Variants in TIMELESS observed in about 807,000 individuals in gnomAD.
TIMELESS encodes protein timeless homolog.
TIMELESS carries 124 observed loss-of-function variants against 164.3 expected under a neutral mutation model. The observed-to-expected ratio is 0.75, with a 90% CI of 0.65 to 0.88. The LOEUF (loss-of-function observed/expected upper bound fraction) is 0.88. Among genes scored for constraint, TIMELESS ranks in the 40% least tolerant of loss-of-function variants. The pLI, the probability that TIMELESS is intolerant of heterozygous loss-of-function variation, is 0.00. For synonymous variants in TIMELESS, 564 were observed against 563.4 expected, an observed-to-expected ratio of 1.00 and a Z score of -0.02; for missense variants, 1,422 against 1,491.4, an observed-to-expected ratio of 0.95 and a Z score of 0.77.
At chr12:56,439,559 T>C (rs1027460791) in intron 1 of TIMELESS, among the ~76,000 whole-genome samples, 7 of 152,068 alleles carry the variant, frequency 4.6e-5, no homozygotes, top group Non-Finnish European at 1.0e-4. Flanking sequence ...CACATCTGGC[T>C]AATTTTTAAA....
In TIMELESS at chr12:56,422,121, T is replaced by C. The variant is rs1203926825; in HGVS notation, c.2509A>G (p.Asn837Asp). The change falls in exon 20 of 29, where the codon AAT (asparagine) becomes GAT (aspartate). Residue 837 changes from asparagine to aspartate, a missense_variant. Transcript: ENST00000553532. ...GGCCTCTCACCTTCCACGTCCTTATTGGCGAGGTACAGCTCCCGAAGATGA... is the reference window on the plus strand; with the variant it reads ...GGCCTCTCACCTTCCACGTCCTTATCGGCGAGGTACAGCTCCCGAAGATGA... ...EAHLRELYLA[N>D]KDVEGQDVVE... 3 of 1,614,126 alleles carry C rather than the reference T, an allele frequency of 1.9e-6. No homozygotes were observed. The highest frequency in any genetic ancestry group is 2.5e-6 in the Non-Finnish European group (3 of 1,180,010).
intron 1 of TIMELESS, among the ~76,000 whole-genome samples, chr12:56,436,611 A>G (rs1882079288): frequency 6.6e-6 from 1 of 152,204 alleles, no homozygotes; most frequent in African/African-American, 2.4e-5. Flanking sequence ...TACTGGGTCC[A>G]AGTGACCTGT....
At chr12:56,437,785 A>AC (rs975344610) in intron 1 of TIMELESS, among the ~76,000 whole-genome samples, 2 of 152,042 alleles carry the variant, frequency 1.3e-5, no homozygotes, top group African/African-American at 4.8e-5. Context: ...CCTTATGATG[A>AC]CCCCGTATGA....
Position 56,430,935 on chromosome 12 carries a change from C to G in TIMELESS, c.855G>C (p.Gln285His), listed in dbSNP as rs752947486. 4.4e-6 allele frequency: 7 copies of G among 1,605,150 alleles called. No individual in the cohort carries two copies. The Middle Eastern group carries it at 1.2e-3, about 266-fold the overall frequency. Residue 285 changes from glutamine to histidine, a missense_variant, in exon 9 of 29, where the codon CAG (glutamine) becomes CAC (histidine). Gln to His is a conservative substitution (Grantham distance 24, BLOSUM62 0). Transcript: ENST00000553532. ...HSRFGGSYIV[Q>H]GLKSIGERDL... ...CCCTCTCCCCAATGGATTTCAACCCCTGGACAATATAGGAGCCCCCAAATC... is the reference window on the plus strand; with the variant it reads ...CCCTCTCCCCAATGGATTTCAACCCGTGGACAATATAGGAGCCCCCAAATC...
In TIMELESS at chr12:56,423,469, T is replaced by G; in HGVS notation, c.2097A>C (p.Ala699=). ...CATAGGCTCGAACGACAGTTGAACA[T>G]GCAAAGCTGCACCAAAACAAGGAGG... ...FNFLDYLKRF[A]CSTVVRAYVL... The change falls in exon 18 of 29, where the codon GCA becomes GCC. Residue 699 remains alanine (A), a synonymous_variant. Coordinates refer to ENST00000553532, the MANE Select transcript of TIMELESS (RefSeq NM_003920.5). 1 of 1,614,056 alleles carries G rather than the reference T, an allele frequency of 6.2e-7. No homozygotes were observed. The highest frequency in any genetic ancestry group is 8.5e-7 in the Non-Finnish European group (1 of 1,180,002).
chr12:56,418,440 C>T lies in TIMELESS; in HGVS notation c.3229-81G>A, dbSNP rs568585639. On this transcript the variant is annotated intron_variant, in intron 26 of 28. Transcript: ENST00000553532. ...ATGATATTCATTGAATATATATGAC[C>T]CAATATTGGTGAAGATCCACAAGGG... The T allele has an allele frequency of 1.6e-5, 17 of 1,034,800 alleles. No homozygotes were observed. The African/African-American group carries it at 1.9e-4, about 12-fold the overall frequency. 64.1% of individuals were successfully genotyped at this position (1,034,800 alleles called of 1,614,324 possible). A position where few individuals can be genotyped will look rare whatever the true frequency, so the allele number is the denominator to read the frequency against.
intron 9 of TIMELESS, 137 bp from the exon 10 acceptor site, chr12:56,430,418 T>C (rs1881838355): frequency 9.9e-7 from 1 of 1,008,964 alleles, no homozygotes; most frequent in Non-Finnish European, 1.4e-6. Flanking sequence ...CAGGCTGGAG[T>C]GTAATGATGC....
At chr12:56,433,340 A>T (rs755297005) in intron 5 of TIMELESS, 41 bp downstream of exon 5, 1 of 1,610,764 alleles carries the variant, frequency 6.2e-7, no homozygotes, top group South Asian at 1.1e-5. Context: ...AAGGTGCAAA[A>T]TGCTGTCCCA....
rs1222435797 is a variant in TIMELESS, at chr12:56,418,027, AC to A, written c.3455-20del. On this transcript the variant is annotated intron_variant, in intron 27 of 28. Transcript: ENST00000553532. ...TCTTCCTCTGCAATGACCATAAATGACACAAAATTAGGAACTCGGTCCTCAT... is the reference window on the plus strand; with the variant it reads ...TCTTCCTCTGCAATGACCATAAATGAACAAAATTAGGAACTCGGTCCTCAT... 1.2e-6 allele frequency: 2 copies of A among 1,613,998 alleles called. No individual in the cohort carries two copies. Among genetic ancestry groups the A allele is most frequent in the Non-Finnish European group, 1.7e-6 (2 of 1,180,006 alleles).
chr12:56,430,621 C>A (rs1000400350), intron 9 of TIMELESS, among the ~76,000 whole-genome samples: 2 of 152,130 alleles, frequency 1.3e-5, no homozygotes, highest in Non-Finnish European at 2.9e-5. Flanking sequence ...CCTTCCTTAG[C>A]TTCTCAAAGT....
At position 56,428,357 on chromosome 12, in the gene TIMELESS, A is replaced by T; in HGVS notation, c.1457T>A (p.Phe486Tyr). 6.2e-7 allele frequency: 1 copy of T among 1,613,288 alleles called. No individual in the cohort carries two copies. Among genetic ancestry groups the T allele is most frequent in the Non-Finnish European group, 8.5e-7 (1 of 1,179,322 alleles). ...CTGGCATCTCTCATCAAACTTTCGA[A>T]AAAGTGCCAGGAATAGTTCTCGGTA... ...MEYRELFLAL[F>Y]RKFDERCQPR... Residue 486 changes from phenylalanine (F) to tyrosine (Y), a missense_variant, in exon 13 of 29, where the codon TTT becomes TAT. Transcript: ENST00000553532.
Position 56,422,982 on chromosome 12 carries a change from G to A in TIMELESS, c.2303C>T (p.Thr768Ile), listed in dbSNP as rs1271392522. Residue 768 changes from threonine (T) to isoleucine (I), a missense_variant, in exon 19 of 29, where the codon ACT becomes ATT. By Grantham distance (89) the Thr-to-Ile change is moderately conservative. Transcript: ENST00000553532. ...TTTGCCCAGGATGTATTTGGCAAAA[G>A]TCACTAGCTCCTGTAGGAGAAGGAG... ...PAAGAYKELV[T>I]FAKYILGKFF... 4.3e-6 allele frequency: 7 copies of A among 1,613,764 alleles called. No individual in the cohort carries two copies. Among genetic ancestry groups the A allele is most frequent in the African/African-American group, 2.7e-5 (2 of 75,046 alleles).
rs566686087 is a variant in TIMELESS at position 56,425,317 on chromosome 12, T to C, written c.1579-165A>G. 3.9e-5 allele frequency among the ~76,000 whole-genome samples: 6 copies of C among 152,282 alleles called. No homozygotes were observed. In the South Asian group the frequency reaches 1.2e-3, roughly 32 times the overall value. On this transcript the variant is annotated intron_variant, in intron 13 of 28. Coordinates refer to ENST00000553532, the MANE Select transcript of TIMELESS (RefSeq NM_003920.5). ...TAGTGAACAGCATATTTCCTTCCCT[T>C]TGAGGAGCTTTTACTCTAGTGGTGG...
rs1270209868 is a variant in TIMELESS, at chr12:56,421,474, C to G, written c.2745G>C (p.Met915Ile). ...RDSDDVLGHI[M>I]KNITAKRSRA... ...GTGAGCGTTTGGCTGTGATATTCTT[C>G]ATGATATGACCCAGGACATCTATAA... Residue 915 changes from methionine (M) to isoleucine (I), a missense_variant, in exon 23 of 29, where the codon ATG becomes ATC. Coordinates refer to ENST00000553532, the MANE Select transcript of TIMELESS (RefSeq NM_003920.5). The G allele has an allele frequency of 1.9e-6, 3 of 1,613,522 alleles. No individual in the cohort carries two copies. Among genetic ancestry groups the G allele is most frequent in the Non-Finnish European group, 2.5e-6 (3 of 1,179,742 alleles).
Position 56,432,359 on chromosome 12 carries a change from A to T in TIMELESS, c.687+10T>A. 2 of 1,608,142 alleles carry T rather than the reference A, an allele frequency of 1.2e-6. No homozygotes were observed. The highest frequency in any genetic ancestry group is 1.7e-6 in the Non-Finnish European group (2 of 1,175,042). On this transcript the variant is annotated intron_variant, in intron 7 of 28. Coordinates refer to ENST00000553532, the MANE Select transcript of TIMELESS (RefSeq NM_003920.5). ...GCGGAGGGGACTCGGGCAATAGGCC[A>T]GGGTCTCACCTGGTCACGAAACATA...
rs113700259 is a variant in TIMELESS, at chr12:56,438,044, AT to A, written c.-61-3814del. ...AGTGTTAATACTGGGCTTGATAAAC[AT>A]TTTTTTTTTTTTCTGAGATGGAGTT... On this transcript the variant is annotated intron_variant, in intron 1 of 28. Transcript: ENST00000553532. Among the ~76,000 whole-genome samples the A allele has an allele frequency of 2.2e-3, 324 of 144,454 alleles. 1 individual carries two copies. The highest frequency in any genetic ancestry group is 5.8e-3 in the African/African-American group (231 of 39,582). The allele number at this position is 144,454 out of a possible 152,430, so 94.8% of individuals were successfully genotyped here. A position where few individuals can be genotyped will look rare whatever the true frequency, so the allele number is the denominator to read the frequency against.
At chr12:56,442,097 A>AAG (rs1555178669) in intron 1 of TIMELESS, among the ~76,000 whole-genome samples, 4 of 126,452 alleles carry the variant, frequency 3.2e-5, no homozygotes, top group African/African-American at 1.0e-4. Context: ...AAAAAAAAAA[A>AAG]AAAAAGAAAT....
intron 1 of TIMELESS, among the ~76,000 whole-genome samples, chr12:56,446,845 C>T (rs1418485206): frequency 6.6e-6 from 1 of 151,492 alleles, no homozygotes; most frequent in Non-Finnish European, 1.5e-5. Flanking sequence ...AAAGGGACTT[C>T]CTCCTGACTT....
Position 56,428,545 on chromosome 12 carries a change from T to G in TIMELESS, c.1408+4A>C. 2 of 1,613,590 alleles carry G rather than the reference T, an allele frequency of 1.2e-6. No homozygotes were observed. Among genetic ancestry groups the G allele is most frequent in the Non-Finnish European group, 1.7e-6 (2 of 1,179,596 alleles). ...TGGGATCGGGGACCAGGCCAGGGCCTCACTCTTGATGATGCGGCTGCTCTC... is the reference window on the plus strand; with the variant it reads ...TGGGATCGGGGACCAGGCCAGGGCCGCACTCTTGATGATGCGGCTGCTCTC... On this transcript the variant is annotated splice_donor_region_variant and intron_variant, in intron 12 of 28. Transcript: ENST00000553532.
Sources: allele counts gnomAD v4.1 joint callset (sites outside exome capture counted in the v4.1 genomes callset), GRCh38; gene constraint gnomAD v4.1.1; transcripts MANE v1.5; gene names NCBI Gene and HGNC (gene_info 2026-07-23, HGNC 2026-07-21).